Variants in PTGR1 observed in about 807,000 individuals in gnomAD.
PTGR1 encodes the protein 15-oxoprostaglandin 13-reductase.
PTGR1 carries 23 observed loss-of-function variants against 37.7 expected under a neutral mutation model. The ratio of observed to expected loss-of-function variants is 0.61; its 90% CI spans 0.44 to 0.86. The LOEUF (loss-of-function observed/expected upper bound fraction) is 0.86. PTGR1 is among the 40% of genes least tolerant of loss of function. PTGR1 has a pLI of 0.00. For synonymous variants in PTGR1, 134 were observed against 140.0 expected (o/e 0.96, Z 0.30); for missense variants, 351 against 394.3 (o/e 0.89, Z 0.93).
At chr9:111,588,477 G>A (rs780377277) in intron 4 of PTGR1, among the ~76,000 whole-genome samples, 73 of 151,620 alleles carry the variant, frequency 4.8e-4, no homozygotes, top group Non-Finnish European at 6.2e-4. Context: ...TGATCTGCCC[G>A]CCTCGGCCTC....
intron 7 of PTGR1, among the ~76,000 whole-genome samples, chr9:111,578,119 A>C (rs117169704): frequency 0.021 from 3,145 of 152,266 alleles, 34 homozygotes; most frequent in South Asian, 0.034. Context: ...TATCTCAATA[A>C]AGCTGTTTTT....
chr9:111,553,080 A>G (rs563730510), intron 9 of PTGR1, among the ~76,000 whole-genome samples: 2 of 152,352 alleles, frequency 1.3e-5, no homozygotes, highest in Middle Eastern at 3.4e-3. Context: ...CGCAGTTCAT[A>G]TGAGTAATTT....
At chr9:111,594,165 A>G in intron 3 of PTGR1, 57 bp downstream of exon 3, 2 of 1,478,596 alleles carry the variant, frequency 1.4e-6, no homozygotes, top group South Asian at 2.3e-5. Flanking sequence ...AAGATGAACT[A>G]CTTCCAGATA....
downstream of PTGR1, among the ~76,000 whole-genome samples, chr9:111,560,252 G>A (rs1016859801): frequency 1.3e-5 from 2 of 151,704 alleles, no homozygotes; most frequent in African/African-American, 2.4e-5. Context: ...AGGCCAAGGC[G>A]GGTGGATCAC....
chr9:111,560,276 C>T (rs1354314486), downstream of PTGR1, among the ~76,000 whole-genome samples: 2 of 151,580 alleles, frequency 1.3e-5, no homozygotes, highest in South Asian at 2.1e-4. Context: ...GTCAGGAGAT[C>T]GAGACCATCC....
At chr9:111,578,516 C>T (rs1472799886) in intron 7 of PTGR1, among the ~76,000 whole-genome samples, 1 of 152,124 alleles carries the variant, frequency 6.6e-6, no homozygotes, top group East Asian at 1.9e-4. Context: ...AACCTAGATC[C>T]CTCACATGCA....
At chr9:111,567,043 G>A (rs1001897754) in intron 9 of PTGR1, among the ~76,000 whole-genome samples, 4 of 151,494 alleles carry the variant, frequency 2.6e-5, no homozygotes, top group East Asian at 3.9e-4. Flanking sequence ...CCATGATCAC[G>A]GCACTGCACT....
At chr9:111,561,143 GAGA>G (rs1828298619), downstream of PTGR1, among the ~76,000 whole-genome samples, 2 of 49,384 alleles carry the variant, frequency 4.0e-5, no homozygotes, top group African/African-American at 2.8e-4. Flanking sequence ...AGAGAGGAGA[GAGA>G]GGGAGAGAGA....
At chr9:111,555,358 T>C (rs1024508408) in intron 9 of PTGR1, among the ~76,000 whole-genome samples, 5 of 152,286 alleles carry the variant, frequency 3.3e-5, no homozygotes, top group Admixed American at 2.6e-4. Flanking sequence ...TTCTCCCTAC[T>C]TCCAGAAAAC....
At chr9:111,573,593 C>T (rs74999040) in intron 8 of PTGR1, among the ~76,000 whole-genome samples, 16,568 of 151,904 alleles carry the variant, frequency 0.11, 1,234 homozygotes, top group East Asian at 0.39. Flanking sequence ...GGGGGGGGAC[C>T]ATAGGTAATT....
intron 2 of PTGR1, 82 bp downstream of exon 2, chr9:111,597,234 TA>T: frequency 1.8e-6 from 2 of 1,081,410 alleles, no homozygotes; most frequent in Non-Finnish European, 2.7e-6. Context: ...TTAAAGTCAC[TA>T]AACTTTGGGG....
chr9:111,576,299 T>G (rs958796389), intron 7 of PTGR1: 66 of 1,564,150 alleles, frequency 4.2e-5, no homozygotes, highest in Non-Finnish European at 5.6e-5. Flanking sequence ...TATTGTAAAC[T>G]ACTTGCTAAA....
At chr9:111,550,514 A>G (rs1385281073) in intron 9 of PTGR1, among the ~76,000 whole-genome samples, 3 of 152,178 alleles carry the variant, frequency 2.0e-5, no homozygotes, top group East Asian at 1.9e-4. Flanking sequence ...AAATCCACCA[A>G]TGTTAACTGC....
chr9:111,553,246 A>T (rs1015908576), intron 9 of PTGR1, among the ~76,000 whole-genome samples: 9 of 152,232 alleles, frequency 5.9e-5, no homozygotes, highest in African/African-American at 2.2e-4. Flanking sequence ...TGCAATTGCC[A>T]TTCATCATTA....
intron 9 of PTGR1, chr9:111,549,847 G>A: frequency 2.4e-6 from 3 of 1,245,664 alleles, no homozygotes; most frequent in Non-Finnish European, 2.3e-6. Flanking sequence ...CTTTAAGGCA[G>A]TTGCTTTAAA....
At chr9:111,560,945 AT>A (rs1828269296), downstream of PTGR1, among the ~76,000 whole-genome samples, 1 of 8,682 alleles carries the variant, frequency 1.2e-4, no homozygotes, top group South Asian at 6.3e-3. Context: ...TCCATCTAAA[AT>A]ATATATATAT....
At chr9:111,596,346 G>T (rs753436063) in intron 2 of PTGR1, among the ~76,000 whole-genome samples, 1 of 152,186 alleles carries the variant, frequency 6.6e-6, no homozygotes, top group African/African-American at 2.4e-5. Flanking sequence ...GGGGCATGGT[G>T]GCTCACACCT....
chr9:111,568,595 T>G (rs1233907712), intron 9 of PTGR1, among the ~76,000 whole-genome samples: 5 of 152,194 alleles, frequency 3.3e-5, no homozygotes, highest in African/African-American at 1.2e-4. Flanking sequence ...CATGTGATCT[T>G]TGTGACCTAC....
intron 9 of PTGR1, among the ~76,000 whole-genome samples, chr9:111,569,769 CAT>C (rs1589297875): frequency 6.6e-6 from 1 of 151,998 alleles, no homozygotes; most frequent in Non-Finnish European, 1.5e-5. Context: ...TGAAAAGCCT[CAT>C]ATGTGGGTTT....
Sources: gnomAD v4.1 joint callset for allele counts (sites outside exome capture counted in the v4.1 genomes callset) on GRCh38, gnomAD v4.1.1 for gene constraint, MANE v1.5 for transcripts, NCBI Gene and HGNC (gene_info 2026-07-23, HGNC 2026-07-21) for gene names.